The following GPATCH2 variants were observed in gnomAD, a reference collection of about 807,000 sequenced individuals.
GPATCH2 encodes the protein G-patch domain containing 2, also known as G patch domain-containing protein 2.
A neutral mutation model predicts 58.0 loss-of-function variants in GPATCH2; 51 were observed. That is an observed-to-expected ratio of 0.88 (90% CI 0.70 to 1.11). GPATCH2 has a LOEUF of 1.11. Among genes scored for constraint, GPATCH2 ranks in the 50% most tolerant of loss-of-function variants. The pLI is 0.00. For synonymous variants in GPATCH2, 222 were observed against 218.5 expected, an observed-to-expected ratio of 1.02 and a Z score of -0.14; for missense variants, 625 against 652.2, an observed-to-expected ratio of 0.96 and a Z score of 0.45.
At chr1:217,535,594 A>C (rs918691704) in intron 5 of GPATCH2, among the ~76,000 whole-genome samples, 1 of 152,152 alleles carries the variant, frequency 6.6e-6, no homozygotes, top group African/African-American at 2.4e-5. Context: ...CTCGTGATCC[A>C]TCCGCCTCGG....
chr1:217,444,664 G>T (rs1659301906), intron 9 of GPATCH2, among the ~76,000 whole-genome samples: 1 of 152,114 alleles, frequency 6.6e-6, no homozygotes, highest in South Asian at 2.1e-4. Context: ...AAGAGGTGAA[G>T]AATTGCATAT....
intron 2 of GPATCH2, 32 bp downstream of exon 2, chr1:217,619,751 A>AT (rs1244744460): frequency 3.5e-6 from 3 of 858,906 alleles, no homozygotes; most frequent in Non-Finnish European, 5.2e-6. Flanking sequence ...CTGGAGATAA[A>AT]TATTTTTATA....
chr1:217,549,404 A>T (rs192795088), intron 5 of GPATCH2, among the ~76,000 whole-genome samples: 1 of 152,198 alleles, frequency 6.6e-6, no homozygotes, highest in African/African-American at 2.4e-5. Flanking sequence ...GATGGCAAAT[A>T]CTGCTTTGCA....
intron 8 of GPATCH2, among the ~76,000 whole-genome samples, chr1:217,475,319 A>G (rs986143480): frequency 6.6e-6 from 1 of 152,100 alleles, no homozygotes; most frequent in African/African-American, 2.4e-5. Context: ...GATGCCTGTA[A>G]TCCCAGTTAC....
Position 217,524,925 on chromosome 1 carries a change from AGGGGAGAG to A in GPATCH2, c.1099-10044_1099-10037del, listed in dbSNP as rs1558458530. On this transcript the variant is annotated intron_variant, in intron 5 of 9. Transcript: ENST00000366935. ...GGGAGGGGGGAGGGGGAGGGGGGAG[AGGGGAGAG>A]GGGAGAGGGAGATTTCAGTTTTTGC... Among the ~76,000 whole-genome samples the A allele has an allele frequency of 1.9e-3, 14 of 7,288 alleles. 2 individuals carry two copies. Among genetic ancestry groups the A allele is most frequent in the Admixed American group, 7.7e-3 (4 of 520 alleles). 4.8% of individuals were successfully genotyped at this position (7,288 alleles called of 152,430 possible).
intron 5 of GPATCH2, among the ~76,000 whole-genome samples, chr1:217,526,579 C>T (rs1020041065): frequency 3.3e-5 from 5 of 152,170 alleles, no homozygotes; most frequent in African/African-American, 4.8e-5. Context: ...CAATAAATGA[C>T]AACAAAAATC....
chr1:217,556,518 A>G (rs1183048569), intron 5 of GPATCH2, among the ~76,000 whole-genome samples: 1 of 152,200 alleles, frequency 6.6e-6, no homozygotes, highest in Non-Finnish European at 1.5e-5. Flanking sequence ...TTTGAGATTT[A>G]TTAACATTGG....
intron 7 of GPATCH2, chr1:217,495,081 G>T: frequency 2.9e-6 from 2 of 696,344 alleles, no homozygotes; most frequent in Non-Finnish European, 3.5e-6. Context: ...GTGACCTGCA[G>T]ATGTATATTA....
intron 8 of GPATCH2, among the ~76,000 whole-genome samples, chr1:217,483,521 A>G (rs763679952): frequency 2.0e-5 from 3 of 151,726 alleles, no homozygotes; most frequent in Non-Finnish European, 4.4e-5. Context: ...GTCTTGCTCT[A>G]TCACCCAGGC....
At chr1:217,596,483 T>C (rs926585932) in intron 5 of GPATCH2, among the ~76,000 whole-genome samples, 3 of 152,186 alleles carry the variant, frequency 2.0e-5, no homozygotes, top group African/African-American at 7.2e-5. Flanking sequence ...ATTGACCTAA[T>C]TAGGCTTTTT....
intron 8 of GPATCH2, among the ~76,000 whole-genome samples, chr1:217,477,993 G>T (rs764622258): frequency 6.6e-6 from 1 of 152,172 alleles, no homozygotes; most frequent in Non-Finnish European, 1.5e-5. Flanking sequence ...TAAGGGAAGA[G>T]AATTAGAATC....
chr1:217,586,890 C>A lies in GPATCH2; in HGVS notation c.1098+23431G>T, dbSNP rs577110781. ...CATTCTTGACTGAAACAGTGTTATG[C>A]AGCACATGGCCGCATACACTGTACT... On this transcript the variant is annotated intron_variant, in intron 5 of 9. Transcript: ENST00000366935. Among the ~76,000 whole-genome samples the A allele has an allele frequency of 2.6e-5, 4 of 152,218 alleles. No homozygotes were observed. In the East Asian group the frequency reaches 7.7e-4, roughly 29 times the overall value.
chr1:217,499,755 G>A (rs1281154554), intron 6 of GPATCH2, among the ~76,000 whole-genome samples: 2 of 146,704 alleles, frequency 1.4e-5, no homozygotes, highest in East Asian at 2.0e-4. Flanking sequence ...TTTATTTAAA[G>A]ACAAACATTT....
At position 217,524,882 on chromosome 1, in the gene GPATCH2, AGGGGGGAGGGGGGAGGGGGGAGGGGGGAG is replaced by A. The variant is rs1558458114; in HGVS notation, c.1099-10022_1099-9994del. Among the ~76,000 whole-genome samples the A allele has an allele frequency of 0.046, 27 of 590 alleles. 7 individuals are homozygous for A. In the East Asian group the frequency reaches 0.5, roughly 11 times the overall value. The allele number at this position is 590 out of a possible 152,430, so 0.4% of individuals were successfully genotyped here. A position where few individuals can be genotyped will look rare whatever the true frequency, so the allele number is the denominator to read the frequency against. On this transcript the variant is annotated intron_variant, in intron 5 of 9. Coordinates refer to ENST00000366935, the MANE Select transcript of GPATCH2 (RefSeq NM_018040.5). ...GGAGAGGGGAGAGGGGAGAGGGGGG[AGGGGGGAGGGGGGAGGGGGGAGGGGGGAG>A]GGGGAGGGGGGAGAGGGGAGAGGGG...
chr1:217,589,153 G>T (rs945808690), intron 5 of GPATCH2, among the ~76,000 whole-genome samples: 1 of 152,084 alleles, frequency 6.6e-6, no homozygotes, highest in Non-Finnish European at 1.5e-5. Context: ...ATATGTGAAA[G>T]AATGTGGGCC....
chr1:217,531,342 G>C (rs1189055057), intron 5 of GPATCH2, among the ~76,000 whole-genome samples: 1 of 152,158 alleles, frequency 6.6e-6, no homozygotes, highest in African/African-American at 2.4e-5. Context: ...AACATGTGCT[G>C]AATTAGTCAA....
At chr1:217,611,694 A>G (rs1668637739) in intron 3 of GPATCH2, among the ~76,000 whole-genome samples, 1 of 152,198 alleles carries the variant, frequency 6.6e-6, no homozygotes, top group Non-Finnish European at 1.5e-5. Context: ...ACAATCATGA[A>G]CAGATGTGAC....
intron 8 of GPATCH2, among the ~76,000 whole-genome samples, chr1:217,467,376 T>C (rs1571752697): frequency 1.3e-5 from 2 of 152,326 alleles, no homozygotes; most frequent in Non-Finnish European, 2.9e-5. Context: ...GGTATACCTA[T>C]ACTTAGAAAC....
intron 5 of GPATCH2, 111 bp from the exon 6 acceptor site, chr1:217,515,000 G>A (rs1663052768): frequency 1.5e-6 from 1 of 654,088 alleles, no homozygotes; most frequent in African/African-American, 1.8e-5. Flanking sequence ...GAGAATACAA[G>A]ATTTTCAAAT....
Sources: gnomAD v4.1 joint callset for allele counts (sites outside exome capture counted in the v4.1 genomes callset) on GRCh38, gnomAD v4.1.1 for gene constraint, MANE v1.5 for transcripts, NCBI Gene and HGNC (gene_info 2026-07-23, HGNC 2026-07-21) for gene names.